Variants in UIMC1 observed in about 807,000 individuals in gnomAD.
The protein encoded by UIMC1 is ubiquitin interaction motif containing 1.
A neutral mutation model predicts 84.9 loss-of-function variants in UIMC1; 42 were observed. The ratio of observed to expected loss-of-function variants is 0.49; its 90% CI spans 0.39 to 0.64. UIMC1 has a LOEUF of 0.64. UIMC1 is among the 30% of genes least tolerant of loss of function. The probability of loss-of-function intolerance (pLI) is 0.00; values close to 1 mark genes in which losing one functional copy is unlikely to be tolerated. For missense variants in UIMC1, 825 were observed against 847.6 expected (o/e 0.97, Z 0.33); for synonymous variants, 281 against 293.0 (o/e 0.96, Z 0.42).
chr5:177,020,568 C>G lies in UIMC1; in HGVS notation c.-9+1896G>C, dbSNP rs1046639641. 2.0e-5 allele frequency among the ~76,000 whole-genome samples: 3 copies of G among 152,144 alleles called. No homozygotes were observed. In the East Asian group the frequency reaches 5.8e-4, roughly 29 times the overall value. On this transcript the variant is annotated intron_variant, in intron 1 of 5. Transcript: ENST00000509236. ...GCCTCAGCCTCCCGAGTAGCTGGGACTACAGGCGCCCGCCACCACGCCCGG... is the reference window on the plus strand; with the variant it reads ...GCCTCAGCCTCCCGAGTAGCTGGGAGTACAGGCGCCCGCCACCACGCCCGG...
intron 1 of UIMC1, among the ~76,000 whole-genome samples, chr5:176,984,185 G>GCCA (rs2149509880): frequency 8.2e-6 from 1 of 121,370 alleles, no homozygotes; most frequent in African/African-American, 3.2e-5. Flanking sequence ...CTGCCCGGCC[G>GCCA]CCCCGAATGG....
chr5:176,911,613 G>T (rs188671245), intron 10 of UIMC1, among the ~76,000 whole-genome samples: 19 of 152,204 alleles, frequency 1.2e-4, no homozygotes, highest in South Asian at 6.2e-4. Context: ...AAGATATTCC[G>T]CTGTATGCTA....
At chr5:176,928,273 G>A (rs922163564) in intron 10 of UIMC1, among the ~76,000 whole-genome samples, 2 of 152,182 alleles carry the variant, frequency 1.3e-5, no homozygotes, top group African/African-American at 4.8e-5. Flanking sequence ...AGTTGCGACA[G>A]AGACCAAACG....
At chr5:176,946,558 G>A (rs1765134187) in intron 9 of UIMC1, among the ~76,000 whole-genome samples, 1 of 151,826 alleles carries the variant, frequency 6.6e-6, no homozygotes, top group Non-Finnish European at 1.5e-5. Flanking sequence ...AAAATCACCA[G>A]GTGCGATGGC....
At chr5:176,938,604 G>A (rs1561781908) in intron 10 of UIMC1, among the ~76,000 whole-genome samples, 1 of 152,146 alleles carries the variant, frequency 6.6e-6, no homozygotes, top group Non-Finnish European at 1.5e-5. Context: ...AGCTCTCTTA[G>A]GAAGATTAAG....
At chr5:177,006,472 A>AC (rs1382821669) in intron 1 of UIMC1, 178 bp downstream of exon 1, 3 of 150,288 alleles carry the variant, frequency 2.0e-5, no homozygotes, top group Non-Finnish European at 3.0e-5. Context: ...TCCGGAGCCC[A>AC]CCCCCGCGTC....
intron 10 of UIMC1, among the ~76,000 whole-genome samples, chr5:176,915,217 G>A (rs1168444076): frequency 6.7e-6 from 1 of 148,808 alleles, no homozygotes; most frequent in African/African-American, 2.5e-5. Context: ...TCTGAATTCA[G>A]AGACTCTGGG....
At chr5:176,923,265 A>G (rs908269613) in intron 10 of UIMC1, among the ~76,000 whole-genome samples, 2 of 152,244 alleles carry the variant, frequency 1.3e-5, no homozygotes, top group Admixed American at 6.5e-5. Flanking sequence ...TCTACAGGAG[A>G]CACATTTTAA....
In UIMC1 at chr5:176,923,896, CACAG is replaced by C. The variant is rs1339797423; in HGVS notation, c.1598-12511_1598-12508del. ...AAAAATATATATATATATACACACA[CACAG>C]ACACACACACACACACACACACACA... is the stretch of plus-strand genomic sequence containing the variant. On this transcript the variant is annotated intron_variant, in intron 10 of 14. Coordinates refer to ENST00000511320, the MANE Select transcript of UIMC1 (RefSeq NM_001199298.2). Among the ~76,000 whole-genome samples the C allele has an allele frequency of 5.4e-4, 69 of 127,326 alleles. No individual in the cohort carries two copies. In the East Asian group the frequency reaches 7.0e-3, roughly 13 times the overall value. The allele number at this position is 127,326 out of a possible 152,430, so 83.5% of individuals were successfully genotyped here. A position where few individuals can be genotyped will look rare whatever the true frequency, so the allele number is the denominator to read the frequency against.
At chr5:176,964,221 A>G (rs574746095) in intron 6 of UIMC1, among the ~76,000 whole-genome samples, 1 of 152,374 alleles carries the variant, frequency 6.6e-6, no homozygotes, top group African/African-American at 2.4e-5. Flanking sequence ...ATTTCCTGAA[A>G]GCAAAAGATT....
intron 2 of UIMC1, among the ~76,000 whole-genome samples, chr5:176,979,754 T>C (rs761236127): frequency 6.6e-6 from 1 of 152,214 alleles, no homozygotes; most frequent in Non-Finnish European, 1.5e-5. Context: ...ATAACATATA[T>C]GACGTATGAC....
chr5:176,966,274 T>G (rs979802528), intron 6 of UIMC1, among the ~76,000 whole-genome samples: 3 of 152,224 alleles, frequency 2.0e-5, no homozygotes, highest in African/African-American at 7.2e-5. Flanking sequence ...ACTTTAATCA[T>G]TAAAATAACT....
At chr5:176,991,616 G>A (rs567873706) in intron 1 of UIMC1, among the ~76,000 whole-genome samples, 190 of 126,922 alleles carry the variant, frequency 1.5e-3, no homozygotes, top group African/African-American at 5.9e-3. Flanking sequence ...GGCAACAAGA[G>A]TGAAACTCCG....
chr5:176,956,023 C>A lies in UIMC1; in HGVS notation c.1275G>T (p.Leu425Phe). ...SVPASQSVAA[L>F]TSKRSLVLMP... ...TAAGGACTAAGCTTCTCTTACTGGTCAAAGCAGCAACACTGAAAGAGAACC... is the reference window on the plus strand; with the variant it reads ...TAAGGACTAAGCTTCTCTTACTGGTAAAAGCAGCAACACTGAAAGAGAACC... The change falls in exon 8 of 15, where the codon TTG (leucine) becomes TTT (phenylalanine). Residue 425 changes from leucine (L) to phenylalanine (F), a missense_variant. By Grantham distance (22) the Leu-to-Phe change is conservative. Transcript: ENST00000511320. 1 of 1,613,242 alleles carries A rather than the reference C, an allele frequency of 6.2e-7. No homozygotes were observed. The highest frequency in any genetic ancestry group is 1.1e-5 in the South Asian group (1 of 90,962).
Position 176,958,125 on chromosome 5 carries a change from A to G in UIMC1, c.1230T>C (p.Ser410=), listed in dbSNP as rs753234939. 2 of 1,613,944 alleles carry G rather than the reference A, an allele frequency of 1.2e-6. No individual in the cohort carries two copies. The highest frequency in any genetic ancestry group is 1.7e-6 in the Non-Finnish European group (2 of 1,179,848). Residue 410 remains serine (S), a synonymous_variant, in exon 7 of 15, where the codon TCT becomes TCC. Coordinates refer to ENST00000511320, the MANE Select transcript of UIMC1 (RefSeq NM_001199298.2). ...AAGCAGGTACAGAGTTTCCCTCTTC[A>G]GAAGTTTCTTCAACAATCCCTTGGG... ...QSSQGIVEET[S]EEGNSVPASQ... is the part of the protein sequence containing the mutation.
intron 6 of UIMC1, among the ~76,000 whole-genome samples, chr5:176,966,105 C>T (rs1206963020): frequency 6.6e-6 from 1 of 152,098 alleles, no homozygotes; most frequent in Non-Finnish European, 1.5e-5. Flanking sequence ...CCTTCTCTTC[C>T]TAGACAACAA....
At chr5:176,946,623 T>G (rs1462576680) in intron 9 of UIMC1, among the ~76,000 whole-genome samples, 1 of 152,010 alleles carries the variant, frequency 6.6e-6, no homozygotes, top group African/African-American at 2.4e-5. Context: ...TCACTTGAGG[T>G]CAAGAGTTTG....
chr5:176,972,679 C>T lies in UIMC1; in HGVS notation c.233-1813G>A, dbSNP rs193098082. ...TAAACCCGGGAGGCGGAGGTTGCAG[C>T]GAGCCAAGATCACGCAACTGCGCTC... On this transcript the variant is annotated intron_variant, in intron 3 of 14. Coordinates refer to ENST00000511320, the MANE Select transcript of UIMC1 (RefSeq NM_001199298.2). Among the ~76,000 whole-genome samples, 809 of 151,932 alleles carry T rather than the reference C, an allele frequency of 5.3e-3. 9 individuals carry two copies. Among genetic ancestry groups the T allele is most frequent in the African/African-American group, 0.019 (775 of 41,432 alleles).
intron 7 of UIMC1, among the ~76,000 whole-genome samples, chr5:176,956,641 G>A (rs1561819826): frequency 6.6e-6 from 1 of 151,958 alleles, no homozygotes; most frequent in East Asian, 1.9e-4. Flanking sequence ...TTCCCTGACT[G>A]CTCATGGAGT....
Sources: allele counts gnomAD v4.1 joint callset (sites outside exome capture counted in the v4.1 genomes callset), GRCh38; gene constraint gnomAD v4.1.1; transcripts MANE v1.5; gene names NCBI Gene and HGNC (gene_info 2026-07-23, HGNC 2026-07-21).